Variants in PRIM2 observed in about 807,000 individuals in gnomAD.
PRIM2 encodes the protein DNA primase large subunit.
PRIM2 carries 39 observed loss-of-function variants against 67.3 expected under a neutral mutation model. That is an observed-to-expected ratio of 0.58 (90% CI 0.45 to 0.76). PRIM2 has a LOEUF of 0.76. Ranked by LOEUF, PRIM2 falls within the 30% of genes least tolerant of loss-of-function variation. The pLI is 0.00. For synonymous variants in PRIM2, 143 were observed against 198.7 expected (o/e 0.72, Z 2.36); for missense variants, 398 against 598.7 (o/e 0.66, Z 3.50).
chr6:57,298,879 C>T, the PRIM2 span, among the ~76,000 whole-genome samples: 1 of 152,112 alleles, frequency 6.6e-6, no homozygotes, highest in Non-Finnish European at 1.5e-5. Flanking sequence ...GCCGGCCTTG[C>T]TTTTCCTGCC....
At chr6:57,612,944 A>C (rs1776692812) in intron 12 of PRIM2, among the ~76,000 whole-genome samples, 1 of 151,928 alleles carries the variant, frequency 6.6e-6, no homozygotes, top group Non-Finnish European at 1.5e-5. Context: ...ACAGCTGCAC[A>C]TCACCATGCC....
At chr6:57,443,957 G>A (rs1480264614) in intron 7 of PRIM2, among the ~76,000 whole-genome samples, 1 of 152,068 alleles carries the variant, frequency 6.6e-6, no homozygotes, top group East Asian at 1.9e-4. Flanking sequence ...TGTGAGATAA[G>A]GGTCCAAGTT....
At chr6:57,629,448 A>G (rs1459607919) in intron 12 of PRIM2, among the ~76,000 whole-genome samples, 1 of 152,186 alleles carries the variant, frequency 6.6e-6, no homozygotes, top group Non-Finnish European at 1.5e-5. Context: ...TTAGGAAATC[A>G]GTTGGCAGGG....
chr6:57,588,538 C>A (rs1440306083), intron 10 of PRIM2, among the ~76,000 whole-genome samples: 2 of 151,372 alleles, frequency 1.3e-5, no homozygotes, highest in African/African-American at 4.9e-5. Context: ...TGGGTTTTTC[C>A]CTCCTCTTGA....
intron 7 of PRIM2, among the ~76,000 whole-genome samples, chr6:57,396,764 T>C (rs77292510): frequency 6.6e-6 from 1 of 152,192 alleles, no homozygotes; most frequent in Non-Finnish European, 1.5e-5. Context: ...GTAGGTCTTG[T>C]GAGATTTATG....
chr6:57,271,449 G>T, the PRIM2 span, among the ~76,000 whole-genome samples: 1 of 152,212 alleles, frequency 6.6e-6, no homozygotes, highest in African/African-American at 2.4e-5. Flanking sequence ...ATGGTAGTTT[G>T]TATTTCTGTG....
chr6:57,416,486 C>T (rs1771266675), intron 7 of PRIM2, among the ~76,000 whole-genome samples: 1 of 152,180 alleles, frequency 6.6e-6, no homozygotes, highest in Non-Finnish European at 1.5e-5. Context: ...TTGGCTTCCA[C>T]TTAAAGTCAC....
chr6:57,479,514 G>A (rs1232272750), intron 7 of PRIM2, among the ~76,000 whole-genome samples: 1 of 152,170 alleles, frequency 6.6e-6, no homozygotes, highest in East Asian at 1.9e-4. Context: ...CTGAGTAGGT[G>A]ATAGTTTCCA....
chr6:57,608,715 G>GAAAAAAA (rs1228501753), intron 12 of PRIM2, among the ~76,000 whole-genome samples: 1 of 76,292 alleles, frequency 1.3e-5, no homozygotes. Context: ...CCTGTCTCAA[G>GAAAAAAA]AAAAAAAAAA....
At chr6:57,377,280 T>C (rs1190189289) in intron 5 of PRIM2, among the ~76,000 whole-genome samples, 1 of 152,232 alleles carries the variant, frequency 6.6e-6, no homozygotes, top group East Asian at 1.9e-4. Context: ...CTAAGTATAC[T>C]AAATCATATA....
chr6:57,606,062 G>A (rs1372167176), intron 11 of PRIM2, among the ~76,000 whole-genome samples: 16 of 152,194 alleles, frequency 1.1e-4, no homozygotes, highest in African/African-American at 3.9e-4. Context: ...CTATTATGCG[G>A]CTATTTTGTG....
chr6:57,642,862 A>G (rs1426170164), intron 13 of PRIM2, among the ~76,000 whole-genome samples: 2 of 152,206 alleles, frequency 1.3e-5, no homozygotes, highest in East Asian at 1.9e-4. Context: ...AACTATACCC[A>G]TAATACAGCA....
intron 5 of PRIM2, among the ~76,000 whole-genome samples, chr6:57,359,588 C>T (rs896105778): frequency 1.4e-4 from 22 of 152,138 alleles, no homozygotes; most frequent in Non-Finnish European, 3.1e-4. Flanking sequence ...GTTTGTTATA[C>T]AGTGATAGAT....
At chr6:57,540,475 C>T (rs1342336694) in intron 10 of PRIM2, among the ~76,000 whole-genome samples, 6 of 152,002 alleles carry the variant, frequency 3.9e-5, no homozygotes, top group Non-Finnish European at 8.8e-5. Context: ...CTGCATGGGT[C>T]CACTTATATG....
chr6:57,604,240 G>A (rs1326089902), intron 11 of PRIM2, among the ~76,000 whole-genome samples: 1 of 152,032 alleles, frequency 6.6e-6, no homozygotes, highest in Non-Finnish European at 1.5e-5. Flanking sequence ...GGCTGAGATG[G>A]CACCACTCCA....
the PRIM2 span, among the ~76,000 whole-genome samples, chr6:57,255,190 G>A: frequency 6.6e-6 from 1 of 152,052 alleles, no homozygotes; most frequent in Non-Finnish European, 1.5e-5. Flanking sequence ...AGGATCCATA[G>A]TTGATTATTA....
intron 8 of PRIM2, among the ~76,000 whole-genome samples, chr6:57,508,336 AT>A (rs1278677894): frequency 1.3e-5 from 2 of 151,766 alleles, no homozygotes; most frequent in Admixed American, 6.6e-5. Flanking sequence ...ATATTGTAAT[AT>A]TTTTTCCCTT....
intron 7 of PRIM2, among the ~76,000 whole-genome samples, chr6:57,456,818 C>T (rs1237034599): frequency 2.0e-5 from 3 of 152,134 alleles, no homozygotes; most frequent in East Asian, 1.9e-4. Context: ...CAGCTTTGTT[C>T]TGTTGCTGGT....
intron 8 of PRIM2, among the ~76,000 whole-genome samples, chr6:57,513,439 A>G (rs2127461516): frequency 6.6e-6 from 1 of 150,974 alleles, no homozygotes; most frequent in East Asian, 1.9e-4. Flanking sequence ...AGAGAGGAAA[A>G]CTTGCAGCCC....
Sources: allele counts gnomAD v4.1 joint callset (sites outside exome capture counted in the v4.1 genomes callset), GRCh38; gene constraint gnomAD v4.1.1; transcripts MANE v1.5; gene names NCBI Gene and HGNC (gene_info 2026-07-23, HGNC 2026-07-21).